The following ATP2C1 variants were observed in gnomAD, a reference collection of about 807,000 sequenced individuals.
ATP2C1 encodes the protein calcium-transporting ATPase type 2C member 1.
In ATP2C1, 31 loss-of-function variants were observed where a neutral mutation model predicts 120.5. The ratio of observed to expected loss-of-function variants is 0.26; its 90% CI spans 0.19 to 0.35. The LOEUF is 0.35. Among genes scored for constraint, ATP2C1 ranks in the 10% least tolerant of loss-of-function variants. ATP2C1 has a pLI of 1.00. For missense variants in ATP2C1, 731 were observed against 1,107.5 expected, an observed-to-expected ratio of 0.66 and a Z score of 4.83; for synonymous variants, 351 against 358.7, an observed-to-expected ratio of 0.98 and a Z score of 0.24.
intron 2 of ATP2C1, among the ~76,000 whole-genome samples, chr3:130,928,434 A>T (rs1414635115): frequency 6.6e-6 from 1 of 152,232 alleles, no homozygotes; most frequent in Non-Finnish European, 1.5e-5. Flanking sequence ...GTGTGTTCAA[A>T]TGTAGACCCT....
chr3:130,893,563 C>T (rs951018893), upstream of ATP2C1, among the ~76,000 whole-genome samples: 3 of 152,228 alleles, frequency 2.0e-5, no homozygotes, highest in African/African-American at 7.2e-5. Context: ...ATGGACACCT[C>T]GCCCCTTCCT....
chr3:130,993,197 TTGAA>T (rs1333302032), intron 21 of ATP2C1, among the ~76,000 whole-genome samples, 196 bp downstream of exon 21: 1 of 152,140 alleles, frequency 6.6e-6, no homozygotes, highest in East Asian at 1.9e-4. Context: ...AGAAGAAAAC[TTGAA>T]TGAAGTATCT....
At chr3:130,914,183 A>G (rs2058577468) in intron 2 of ATP2C1, among the ~76,000 whole-genome samples, 1 of 152,226 alleles carries the variant, frequency 6.6e-6, no homozygotes, top group South Asian at 2.1e-4. Flanking sequence ...CAAAGCTTCA[A>G]ACTAAAAACA....
At chr3:130,862,957 T>G (rs1332931881) in intron 1 of ATP2C1, among the ~76,000 whole-genome samples, 1 of 152,154 alleles carries the variant, frequency 6.6e-6, no homozygotes, top group African/African-American at 2.4e-5. Flanking sequence ...TGCAAATTTT[T>G]AACGAAACAT....
intron 19 of ATP2C1, among the ~76,000 whole-genome samples, chr3:130,979,902 A>G (rs767710042): frequency 5.9e-5 from 9 of 152,234 alleles, no homozygotes; most frequent in Non-Finnish European, 1.3e-4. Context: ...GAAGAGAATG[A>G]AAGTTAATTT....
At chr3:130,918,574 C>G (rs527885048) in intron 2 of ATP2C1, 2 of 732,612 alleles carry the variant, frequency 2.7e-6, no homozygotes, top group South Asian at 2.7e-5. Context: ...TGCCAGCGCC[C>G]TGGCCATAAA....
chr3:131,015,357 T>A, intron 26 of ATP2C1: 1 of 617,436 alleles, frequency 1.6e-6, no homozygotes, highest in Non-Finnish European at 2.9e-6. Flanking sequence ...TATCTTCATC[T>A]CTCCCTCAAG....
chr3:131,007,684 T>C (rs1008982669), downstream of ATP2C1, among the ~76,000 whole-genome samples: 1 of 152,194 alleles, frequency 6.6e-6, no homozygotes, highest in African/African-American at 2.4e-5. Flanking sequence ...TCTATTAAAG[T>C]TTTCTCTGAT....
chr3:130,941,325 G>T (rs1277361720), intron 7 of ATP2C1, among the ~76,000 whole-genome samples: 7 of 151,920 alleles, frequency 4.6e-5, no homozygotes, highest in Non-Finnish European at 7.4e-5. Flanking sequence ...TGTGTGCTAA[G>T]CCCTGTTCTG....
chr3:130,951,370 A>G (rs2060362506), intron 8 of ATP2C1, among the ~76,000 whole-genome samples: 1 of 152,136 alleles, frequency 6.6e-6, no homozygotes, highest in Non-Finnish European at 1.5e-5. Flanking sequence ...TGCCTGTAAA[A>G]CAGATAATAA....
chr3:130,961,591 ATAAAG>A (rs1396764795), intron 12 of ATP2C1, among the ~76,000 whole-genome samples: 1 of 152,088 alleles, frequency 6.6e-6, no homozygotes. Flanking sequence ...TGATGTAATA[ATAAAG>A]TAAATAATCA....
chr3:130,934,513 T>G (rs940618557), intron 4 of ATP2C1, 109 bp from the exon 5 acceptor site: 1 of 734,396 alleles, frequency 1.4e-6, no homozygotes, highest in Non-Finnish European at 2.4e-6. Context: ...GAGTATAGAC[T>G]TTTGTAATTT....
Position 131,014,111 on chromosome 3 carries a change from C to T in ATP2C1, c.2630-2041C>T, listed in dbSNP as rs765863310. The T allele has an allele frequency of 4.3e-6, 7 of 1,610,146 alleles. No homozygotes were observed. The Admixed American group carries it at 1.2e-4, about 27-fold the overall frequency. ...CCTCTAAGTTTTCAACCATTAACAA[C>T]CCAAACCGGTTGTTTCCCTCATACC... On this transcript the variant is annotated intron_variant, in intron 26 of 26. Transcript: ENST00000328560.
At chr3:130,870,430 A>G (rs1222805263) in intron 1 of ATP2C1, among the ~76,000 whole-genome samples, 1 of 152,206 alleles carries the variant, frequency 6.6e-6, no homozygotes, top group African/African-American at 2.4e-5. Context: ...GAGAGGATTC[A>G]CCATTCTAGG....
intron 2 of ATP2C1, among the ~76,000 whole-genome samples, chr3:130,922,798 T>A (rs1271084887): frequency 6.6e-6 from 1 of 152,256 alleles, no homozygotes; most frequent in Non-Finnish European, 1.5e-5. Context: ...TCTCCAGTTT[T>A]ATTCCACTGT....
chr3:130,901,817 G>A (rs1187138076), intron 2 of ATP2C1, among the ~76,000 whole-genome samples: 1 of 152,046 alleles, frequency 6.6e-6, no homozygotes, highest in African/African-American at 2.4e-5. Flanking sequence ...GAATGAAAAT[G>A]CTGGCTTCTT....
chr3:130,916,064 T>G (rs1454340047), intron 2 of ATP2C1, among the ~76,000 whole-genome samples: 1 of 152,134 alleles, frequency 6.6e-6, no homozygotes, highest in Non-Finnish European at 1.5e-5. Context: ...TATAGTCTCC[T>G]ATTAGGTAAC....
At chr3:130,996,217 A>G (rs953903619) in intron 23 of ATP2C1, 106 bp downstream of exon 23, 8 of 861,724 alleles carry the variant, frequency 9.3e-6, no homozygotes, top group African/African-American at 8.4e-5. Flanking sequence ...ATTTGTGAGC[A>G]TTGTTCATAT....
intron 20 of ATP2C1, among the ~76,000 whole-genome samples, chr3:130,988,155 A>G (rs1158011455): frequency 5.3e-5 from 8 of 152,160 alleles, no homozygotes; most frequent in Non-Finnish European, 8.8e-5. Flanking sequence ...TCTTCAGTGC[A>G]TTAGTTTTCT....
Sources: allele counts gnomAD v4.1 joint callset (sites outside exome capture counted in the v4.1 genomes callset), GRCh38; gene constraint gnomAD v4.1.1; transcripts MANE v1.5; gene names NCBI Gene and HGNC (gene_info 2026-07-23, HGNC 2026-07-21).